UBE2V2: variants seen among roughly 807,000 people sequenced by gnomAD.
UBE2V2 encodes the protein ubiquitin-conjugating enzyme E2 variant 2.
A neutral mutation model predicts 17.2 loss-of-function variants in UBE2V2; 9 were observed. The ratio of observed to expected loss-of-function variants is 0.52; its 90% CI spans 0.32 to 0.91. UBE2V2 has a LOEUF of 0.91. Ranked by LOEUF, UBE2V2 falls within the 40% of genes least tolerant of loss-of-function variation. UBE2V2 has a pLI of 0.04. For synonymous variants in UBE2V2, 61 were observed against 57.5 expected, an observed-to-expected ratio of 1.06 and a Z score of -0.28; for missense variants, 133 against 182.6, an observed-to-expected ratio of 0.73 and a Z score of 1.56.
intron 1 of UBE2V2, among the ~76,000 whole-genome samples, chr8:48,012,643 G>A (rs960058073): frequency 4.6e-5 from 7 of 151,774 alleles, no homozygotes; most frequent in African/African-American, 1.5e-4. Context: ...TCTTGAACCC[G>A]GGAGGCAGAG....
At chr8:48,024,041 C>G (rs891688997) in intron 1 of UBE2V2, among the ~76,000 whole-genome samples, 2 of 152,078 alleles carry the variant, frequency 1.3e-5, no homozygotes, top group African/African-American at 2.4e-5. Context: ...AAAGTCTTAG[C>G]TGATTTGTGT....
chr8:48,040,049 T>C (rs2091451148), intron 1 of UBE2V2, among the ~76,000 whole-genome samples: 1 of 151,942 alleles, frequency 6.6e-6, no homozygotes, highest in African/African-American at 2.4e-5. Flanking sequence ...ACTTTTTTTT[T>C]TTTTTTTCTT....
At chr8:48,004,042 G>C (rs1401349812), upstream of UBE2V2, among the ~76,000 whole-genome samples, 1 of 152,174 alleles carries the variant, frequency 6.6e-6, no homozygotes, top group African/African-American at 2.4e-5. Context: ...ACCATTTTCT[G>C]CTATAACTAC....
chr8:48,058,860 T>G (rs1446678118), intron 3 of UBE2V2, among the ~76,000 whole-genome samples: 1 of 151,900 alleles, frequency 6.6e-6, no homozygotes, highest in Non-Finnish European at 1.5e-5. Flanking sequence ...CTCTGATTTT[T>G]AAAATATTGA....
chr8:48,006,827 A>G (rs1480153242), upstream of UBE2V2, among the ~76,000 whole-genome samples: 1 of 152,132 alleles, frequency 6.6e-6, no homozygotes, highest in East Asian at 1.9e-4. Context: ...ACCCACAGCC[A>G]ATATCATACT....
At chr8:48,041,249 G>T (rs2091462497) in intron 1 of UBE2V2, among the ~76,000 whole-genome samples, 1 of 149,664 alleles carries the variant, frequency 6.7e-6, no homozygotes, top group Admixed American at 6.7e-5. Flanking sequence ...TCGGCTCACT[G>T]CAGCCTCCGC....
upstream of UBE2V2, among the ~76,000 whole-genome samples, chr8:48,008,058 A>AT (rs2091196953): frequency 6.6e-6 from 1 of 151,904 alleles, no homozygotes; most frequent in Non-Finnish European, 1.5e-5. Flanking sequence ...AATAGCTGGG[A>AT]TTACAGGCGC....
chr8:48,060,883 T>G lies in UBE2V2; in HGVS notation c.*55T>G. ...CAACAACCTTCTACTCATGTTAATGTCTTGATTAAATATCACAATGCAAAA... is the reference window on the plus strand; with the variant it reads ...CAACAACCTTCTACTCATGTTAATGGCTTGATTAAATATCACAATGCAAAA... On this transcript the variant is annotated 3_prime_UTR_variant, in exon 4 of 4. Coordinates refer to ENST00000523111, the MANE Select transcript of UBE2V2 (RefSeq NM_003350.3). The G allele has an allele frequency of 1.4e-6, 2 of 1,382,084 alleles. No homozygotes were observed. Among genetic ancestry groups the G allele is most frequent in the Non-Finnish European group, 1.9e-6 (2 of 1,057,894 alleles). The allele number at this position is 1,382,084 out of a possible 1,614,324, so 85.6% of individuals were successfully genotyped here. A position where few individuals can be genotyped will look rare whatever the true frequency, so the allele number is the denominator to read the frequency against.
In UBE2V2 at chr8:48,063,437, A is replaced by G. The variant is rs1272011000; in HGVS notation, c.*2609A>G. The stretch of plus-strand genomic sequence containing the variant: ...AAGGTTGTAGGAGTGTGTGGTATTT[A>G]TTACCTTTTAAATGAACTGTAAATT... On this transcript the variant is annotated 3_prime_UTR_variant, in exon 4 of 4. Transcript: ENST00000523111. 6.6e-6 allele frequency: 1 copy of G among 152,216 alleles called. No homozygotes were observed. Among genetic ancestry groups the G allele is most frequent in the Non-Finnish European group, 1.5e-5 (1 of 68,034 alleles). The allele number at this position is 152,216 out of a possible 1,614,324, so 9.4% of individuals were successfully genotyped here. A position where few individuals can be genotyped will look rare whatever the true frequency, so the allele number is the denominator to read the frequency against.
intron 1 of UBE2V2, among the ~76,000 whole-genome samples, chr8:48,037,121 G>T (rs1366449513): frequency 6.6e-6 from 1 of 152,260 alleles, no homozygotes; most frequent in East Asian, 1.9e-4. Flanking sequence ...AAAGGTTGCA[G>T]TGAGCCGAGA....
intron 1 of UBE2V2, among the ~76,000 whole-genome samples, chr8:48,022,260 C>T (rs1386933673): frequency 6.6e-6 from 1 of 151,836 alleles, no homozygotes; most frequent in East Asian, 1.9e-4. Flanking sequence ...GCCTCAGCCT[C>T]CTGAGTAGCT....
intron 3 of UBE2V2, among the ~76,000 whole-genome samples, chr8:48,054,990 A>T (rs759066204): frequency 3.9e-4 from 58 of 149,772 alleles, no homozygotes; most frequent in Admixed American, 6.7e-4. Flanking sequence ...ATGTTTATTT[A>T]ACTACCATTT....
chr8:48,046,329 G>C (rs185647348), intron 2 of UBE2V2, among the ~76,000 whole-genome samples: 2 of 152,064 alleles, frequency 1.3e-5, no homozygotes, highest in Non-Finnish European at 2.9e-5. Flanking sequence ...CATGTTAGCC[G>C]GGATGGTCTC....
chr8:48,019,518 GACTGTCTCAAAAAA>G (rs991697014), intron 1 of UBE2V2, among the ~76,000 whole-genome samples: 8 of 150,314 alleles, frequency 5.3e-5, no homozygotes, highest in Admixed American at 2.0e-4. Context: ...AACAGAGCGA[GACTGTCTCAAAAAA>G]ACGGCAGGGC....
At chr8:48,046,388 G>T (rs2091499179) in intron 2 of UBE2V2, among the ~76,000 whole-genome samples, 1 of 152,112 alleles carries the variant, frequency 6.6e-6, no homozygotes, top group Non-Finnish European at 1.5e-5. Flanking sequence ...AAAGTGCTGG[G>T]ATTACAGGCG....
At position 48,058,812 on chromosome 8, in the gene UBE2V2, A is replaced by G. The variant is rs200941999; in HGVS notation, c.292-1870A>G. Among the ~76,000 whole-genome samples, 36 of 151,852 alleles carry G rather than the reference A, an allele frequency of 2.4e-4. No homozygotes were observed. In the East Asian group the frequency reaches 6.4e-3, roughly 27 times the overall value. On this transcript the variant is annotated intron_variant, in intron 3 of 3. Coordinates refer to ENST00000523111, the MANE Select transcript of UBE2V2 (RefSeq NM_003350.3). ...CTTTTTTGCATCCATTGAGATGATCATGGTTTTTGTTCTCTGTTCTGTTAA... is the reference window on the plus strand; with the variant it reads ...CTTTTTTGCATCCATTGAGATGATCGTGGTTTTTGTTCTCTGTTCTGTTAA...
chr8:48,022,540 C>T (rs1028723943), intron 1 of UBE2V2, among the ~76,000 whole-genome samples: 2 of 152,166 alleles, frequency 1.3e-5, no homozygotes, highest in Non-Finnish European at 2.9e-5. Flanking sequence ...TACACTCCAC[C>T]ATTACAGTAT....
chr8:48,029,901 A>G (rs969337401), intron 1 of UBE2V2, among the ~76,000 whole-genome samples: 5 of 152,210 alleles, frequency 3.3e-5, no homozygotes, highest in African/African-American at 4.8e-5. Flanking sequence ...TGCCCATTTA[A>G]TAGTCTCCGT....
At chr8:48,025,034 A>C (rs2091331275) in intron 1 of UBE2V2, among the ~76,000 whole-genome samples, 1 of 151,532 alleles carries the variant, frequency 6.6e-6, no homozygotes, top group Admixed American at 6.6e-5. Context: ...TCCTGGGTTC[A>C]AGTGATTCTC....
Sources: allele counts gnomAD v4.1 joint callset (sites outside exome capture counted in the v4.1 genomes callset), GRCh38; gene constraint gnomAD v4.1.1; transcripts MANE v1.5; gene names NCBI Gene and HGNC (gene_info 2026-07-23, HGNC 2026-07-21).